LINGO2: variants seen among roughly 807,000 people sequenced by gnomAD.
LINGO2 encodes leucine rich repeat and Ig domain containing 2.
LINGO2 carries 14 observed loss-of-function variants against 30.6 expected under a neutral mutation model. That is an observed-to-expected ratio of 0.46 (90% confidence interval 0.30 to 0.72). LINGO2 has a LOEUF of 0.72. Ranked by LOEUF, LINGO2 falls within the 30% of genes least tolerant of loss-of-function variation. The probability of loss-of-function intolerance (pLI) is 0.07; values close to 1 mark genes in which losing one functional copy is unlikely to be tolerated. For synonymous variants in LINGO2, 317 were observed against 288.5 expected (o/e 1.10, Z -1.00); for missense variants, 729 against 751.7 (o/e 0.97, Z 0.35).
intron 5 of LINGO2, among the ~76,000 whole-genome samples, chr9:27,999,561 C>T (rs932088709): frequency 5.3e-5 from 8 of 152,064 alleles, no homozygotes; most frequent in African/African-American, 1.2e-4. Context: ...GGCTTTTCAT[C>T]CTTGACACAG....
At chr9:27,987,476 C>T (rs1417981029) in intron 5 of LINGO2, among the ~76,000 whole-genome samples, 1 of 151,830 alleles carries the variant, frequency 6.6e-6, no homozygotes, top group African/African-American at 2.4e-5. Flanking sequence ...ATAGATTAGA[C>T]TTTCAATTCT....
intron 4 of LINGO2, among the ~76,000 whole-genome samples, chr9:28,033,438 C>T (rs1167716333): frequency 6.6e-6 from 1 of 152,098 alleles, no homozygotes; most frequent in Non-Finnish European, 1.5e-5. Flanking sequence ...CTGTTCTGCC[C>T]TACTGAAACC....
chr9:27,987,809 A>G (rs550420926), intron 5 of LINGO2, among the ~76,000 whole-genome samples: 1 of 152,058 alleles, frequency 6.6e-6, no homozygotes, highest in Non-Finnish European at 1.5e-5. Context: ...TTAAATATAT[A>G]TATACACACA....
intron 1 of LINGO2, among the ~76,000 whole-genome samples, chr9:28,522,138 T>C (rs1820851969): frequency 6.6e-6 from 1 of 152,070 alleles, no homozygotes; most frequent in Non-Finnish European, 1.5e-5. Context: ...TCTATGACAA[T>C]AAGACCAGAA....
chr9:28,005,993 T>C (rs1000000098), intron 5 of LINGO2, among the ~76,000 whole-genome samples: 1 of 152,110 alleles, frequency 6.6e-6, no homozygotes, highest in Non-Finnish European at 1.5e-5. Context: ...ATCAGAATCA[T>C]ATGAATAGGC....
At chr9:28,983,556 T>C in the LINGO2 span, among the ~76,000 whole-genome samples, 3 of 151,908 alleles carry the variant, frequency 2.0e-5, no homozygotes, top group African/African-American at 7.2e-5. Flanking sequence ...TTTCAATAAC[T>C]TGAAAGTACT....
At chr9:28,295,404 A>C (rs950352755) in intron 3 of LINGO2, 38 bp from the exon 6 acceptor site, 100 of 152,722 alleles carry the variant, frequency 6.5e-4, no homozygotes, top group African/African-American at 2.4e-3. Flanking sequence ...TTAATTGAAA[A>C]ATAGTGAACC....
the LINGO2 span, among the ~76,000 whole-genome samples, chr9:29,011,230 G>C: frequency 6.6e-6 from 1 of 152,082 alleles, no homozygotes; most frequent in Non-Finnish European, 1.5e-5. Context: ...CAAACCTGTG[G>C]GTGAAAACCA....
At chr9:28,185,491 A>T (rs1345009549) in intron 4 of LINGO2, among the ~76,000 whole-genome samples, 1 of 152,088 alleles carries the variant, frequency 6.6e-6, no homozygotes, top group East Asian at 1.9e-4. Context: ...ATGATATATC[A>T]CACTCAGTAC....
chr9:28,884,981 ATATATAATAATAT>A, the LINGO2 span, among the ~76,000 whole-genome samples: 1 of 5,146 alleles, frequency 1.9e-4, no homozygotes, highest in African/African-American at 5.8e-4. Flanking sequence ...AATATATATA[ATATATAATAATAT>A]ATTATATATA....
the LINGO2 span, among the ~76,000 whole-genome samples, chr9:29,017,671 T>G: frequency 6.6e-6 from 1 of 151,966 alleles, no homozygotes; most frequent in African/African-American, 2.4e-5. Flanking sequence ...AGAACAAAAC[T>G]GGGCAATAGC....
intron 2 of LINGO2, among the ~76,000 whole-genome samples, chr9:28,412,100 C>G (rs1200424740): frequency 6.6e-6 from 1 of 151,466 alleles, no homozygotes; most frequent in Non-Finnish European, 1.5e-5. Flanking sequence ...ACTTCTCCCT[C>G]CCCTCTTCTG....
chr9:28,634,268 A>G (rs938411283), intron 1 of LINGO2, among the ~76,000 whole-genome samples: 14 of 152,100 alleles, frequency 9.2e-5, no homozygotes, highest in African/African-American at 2.9e-4. Context: ...AATATTATAT[A>G]CACAACTGAG....
chr9:28,387,391 C>G (rs755837331), intron 2 of LINGO2, among the ~76,000 whole-genome samples: 3 of 152,214 alleles, frequency 2.0e-5, no homozygotes, highest in Admixed American at 6.5e-5. Context: ...ATGGACCAAT[C>G]AGTGCTCTAT....
chr9:28,196,751 A>G (rs1017422759), intron 4 of LINGO2, among the ~76,000 whole-genome samples: 4 of 151,998 alleles, frequency 2.6e-5, no homozygotes, highest in Non-Finnish European at 5.9e-5. Context: ...TTATATCTAA[A>G]GGTTACCTGG....
intron 1 of LINGO2, among the ~76,000 whole-genome samples, chr9:28,508,815 C>T (rs2135351622): frequency 6.6e-6 from 1 of 152,140 alleles, no homozygotes; most frequent in East Asian, 1.9e-4. Flanking sequence ...CAAAGGATTT[C>T]TCCCTACCTT....
chr9:29,136,814 C>T, the LINGO2 span, among the ~76,000 whole-genome samples: 1 of 152,118 alleles, frequency 6.6e-6, no homozygotes, highest in South Asian at 2.1e-4. Flanking sequence ...ATAAATACAA[C>T]TGCTCATTTG....
At chr9:28,281,345 G>C (rs1290353775) in intron 4 of LINGO2, among the ~76,000 whole-genome samples, 2 of 152,064 alleles carry the variant, frequency 1.3e-5, no homozygotes, top group Middle Eastern at 3.2e-3. Context: ...AAGTAATAAA[G>C]AGGAGAAAGA....
At chr9:28,839,857 G>T in the LINGO2 span, among the ~76,000 whole-genome samples, 1 of 152,104 alleles carries the variant, frequency 6.6e-6, no homozygotes, top group African/African-American at 2.4e-5. Flanking sequence ...GGTGCATGGT[G>T]CCCTGGCTGT....
Sources: allele counts gnomAD v4.1 joint callset (sites outside exome capture counted in the v4.1 genomes callset), GRCh38; gene constraint gnomAD v4.1.1; transcripts MANE v1.5; gene names NCBI Gene and HGNC (gene_info 2026-07-23, HGNC 2026-07-21).